The following NEAT1 variants were observed in gnomAD, a reference collection of about 807,000 sequenced individuals.
NEAT1 encodes the protein MENepsilon/beta.
chr11:65,432,666 TTATG>T (rs1462788868), exon 1 of NEAT1: 1 of 149,058 alleles, frequency 6.7e-6, no homozygotes, highest in Non-Finnish European at 1.5e-5. Flanking sequence ...TTTTTTTTCT[TTATG>T]TGTGTGTGTG....
exon 1 of NEAT1, chr11:65,435,160 AAT>A (rs1856647562): frequency 6.6e-6 from 1 of 152,170 alleles, no homozygotes; most frequent in African/African-American, 2.4e-5. Context: ...GTCCATGGCT[AAT>A]GTTATTATAT....
At chr11:65,443,602 G>A (rs1282362753) in exon 1 of NEAT1, 1 of 152,208 alleles carries the variant, frequency 6.6e-6, no homozygotes, top group African/African-American at 2.4e-5. Context: ...TGCCACCTGG[G>A]CCATGTGGGC....
exon 1 of NEAT1, chr11:65,425,780 A>G (rs1856555031): frequency 1.3e-5 from 2 of 152,098 alleles, no homozygotes; most frequent in Non-Finnish European, 2.9e-5. Context: ...TGTTTGGTCG[A>G]TATTAATAAT....
At chr11:65,443,267 C>T (rs1038775366) in exon 1 of NEAT1, 4 of 152,276 alleles carry the variant, frequency 2.6e-5, no homozygotes, top group African/African-American at 7.2e-5. Flanking sequence ...ATTCCCGACA[C>T]TAACGCCCCC....
At chr11:65,429,696 T>TTTA in exon 1 of NEAT1, 1 of 152,188 alleles carries the variant, frequency 6.6e-6, no homozygotes, top group Middle Eastern at 3.2e-3. Flanking sequence ...CTTAGGTTAG[T>TTTA]TTATCACTGT....
chr11:65,424,963 T>G (rs2134887194), exon 1 of NEAT1: 1 of 151,534 alleles, frequency 6.6e-6, no homozygotes, highest in Admixed American at 6.6e-5. Context: ...GCACTGGTAC[T>G]GGGAGGGATG....
chr11:65,431,951 G>A (rs182759793), exon 1 of NEAT1: 1 of 152,168 alleles, frequency 6.6e-6, no homozygotes, highest in East Asian at 1.9e-4. Flanking sequence ...TTTTACTTTT[G>A]TGGTCTGTGC....
exon 1 of NEAT1, chr11:65,437,234 T>TTACAAA (rs1856669042): frequency 5.5e-5 from 8 of 146,562 alleles, no homozygotes; most frequent in Non-Finnish European, 1.2e-4. Flanking sequence ...TATACATATA[T>TTACAAA]ATATACATAT....
At chr11:65,444,362 C>T (rs1424136756) in exon 1 of NEAT1, 1 of 450,916 alleles carries the variant, frequency 2.2e-6, no homozygotes, top group Non-Finnish European at 4.5e-6. Flanking sequence ...GCTGATTCTG[C>T]TCAGATTCAT....
exon 1 of NEAT1, chr11:65,430,906 T>C (rs1244791572): frequency 6.6e-6 from 1 of 152,226 alleles, no homozygotes; most frequent in Non-Finnish European, 1.5e-5. Flanking sequence ...GAAATACATA[T>C]AATAGAAGTT....
chr11:65,431,799 C>T (rs1312238408), exon 1 of NEAT1: 1 of 152,280 alleles, frequency 6.6e-6, no homozygotes, highest in East Asian at 1.9e-4. Context: ...GAGTTTCTTT[C>T]TATATTCTGG....
At chr11:65,444,593 G>T in exon 1 of NEAT1, 1 of 458,894 alleles carries the variant, frequency 2.2e-6, no homozygotes, top group East Asian at 7.0e-5. Context: ...GGCTCCCACG[G>T]ACCCGCCGTG....
chr11:65,426,459 C>T (rs377285730), exon 1 of NEAT1: 9 of 152,190 alleles, frequency 5.9e-5, no homozygotes, highest in East Asian at 5.8e-4. Flanking sequence ...TCTGTTACGT[C>T]ATGTACATAA....
exon 1 of NEAT1, chr11:65,434,859 A>G (rs1031866892): frequency 3.3e-5 from 5 of 152,192 alleles, no homozygotes; most frequent in Non-Finnish European, 5.9e-5. Context: ...TCTTTGATCT[A>G]TCATGTATGC....
At chr11:65,429,818 TC>T (rs778988994) in exon 1 of NEAT1, 17 of 152,334 alleles carry the variant, frequency 1.1e-4, no homozygotes, top group Non-Finnish European at 1.8e-4. Flanking sequence ...TAAACCTTCT[TC>T]CCCGTGGTGT....
chr11:65,429,104 T>A (rs1165894664), exon 1 of NEAT1: 2 of 152,222 alleles, frequency 1.3e-5, no homozygotes, highest in African/African-American at 4.8e-5. Flanking sequence ...TCAATGGGCA[T>A]ACAGGGTATT....
chr11:65,429,005 A>G (rs1366830502), exon 1 of NEAT1: 4 of 152,126 alleles, frequency 2.6e-5, no homozygotes, highest in African/African-American at 9.7e-5. Context: ...CATAAATTCT[A>G]TTTTGTGACT....
chr11:65,437,318 T>C (rs958142744), exon 1 of NEAT1: 3 of 150,582 alleles, frequency 2.0e-5, no homozygotes, highest in African/African-American at 7.3e-5. Context: ...CTGAAGATTT[T>C]GTTGTTGTTG....
exon 1 of NEAT1, chr11:65,435,464 A>G (rs1856649915): frequency 6.6e-6 from 1 of 152,088 alleles, no homozygotes; most frequent in Non-Finnish European, 1.5e-5. Context: ...ACGTGTTGGT[A>G]TGGTCATTTT....
Sources: gnomAD v4.1 joint callset for allele counts on GRCh38, gnomAD v4.1.1 for gene constraint, MANE v1.5 for transcripts, NCBI Gene and HGNC (gene_info 2026-07-23, HGNC 2026-07-21) for gene names.